Variants in SLC27A6 observed in about 807,000 individuals in gnomAD.
The protein encoded by SLC27A6 is solute carrier family 27 member 6, also known as long-chain fatty acid transport protein 6.
Under a neutral mutation model 63.9 loss-of-function variants are expected in SLC27A6, and 74 were observed. The ratio of observed to expected loss-of-function variants is 1.16; its 90% CI spans 0.96 to 1.40. SLC27A6 has a LOEUF of 1.40. Among genes scored for constraint, SLC27A6 ranks in the 40% most tolerant of loss-of-function variants. The pLI, the probability that SLC27A6 is intolerant of heterozygous loss-of-function variation, is 0.00. For synonymous variants in SLC27A6, 287 were observed against 260.8 expected (o/e 1.10, Z -0.97); for missense variants, 794 against 732.9 (o/e 1.08, Z -0.96).
intron 4 of SLC27A6, among the ~76,000 whole-genome samples, chr5:128,998,325 G>T (rs1408995833): frequency 6.7e-6 from 1 of 150,358 alleles, no homozygotes; most frequent in Non-Finnish European, 1.5e-5. Flanking sequence ...TTACATGAAT[G>T]TATTTATAAA....
At chr5:128,978,152 A>C (rs1750455856) in intron 1 of SLC27A6, among the ~76,000 whole-genome samples, 1 of 152,184 alleles carries the variant, frequency 6.6e-6, no homozygotes, top group Admixed American at 6.5e-5. Flanking sequence ...TAGTATTATA[A>C]AAATTTTAAC....
intron 4 of SLC27A6, among the ~76,000 whole-genome samples, chr5:129,006,792 T>C (rs1157996995): frequency 6.6e-6 from 1 of 152,172 alleles, no homozygotes; most frequent in Non-Finnish European, 1.5e-5. Context: ...TAAAACAAGA[T>C]TTTAGAGAAT....
intron 4 of SLC27A6, among the ~76,000 whole-genome samples, chr5:129,012,883 G>T (rs1377744351): frequency 6.6e-6 from 1 of 151,648 alleles, no homozygotes; most frequent in Non-Finnish European, 1.5e-5. Context: ...ATATTTTTAT[G>T]CATTCTAAAA....
intron 4 of SLC27A6, among the ~76,000 whole-genome samples, chr5:129,006,336 C>T (rs954162090): frequency 2.0e-5 from 3 of 151,520 alleles, no homozygotes; most frequent in Admixed American, 1.3e-4. Context: ...GTGATCTGCC[C>T]GCCTCGGTCT....
intron 1 of SLC27A6, among the ~76,000 whole-genome samples, chr5:128,974,916 A>G (rs1561610606): frequency 6.6e-6 from 1 of 152,258 alleles, no homozygotes; most frequent in African/African-American, 2.4e-5. Context: ...TTGTATTTAA[A>G]TGATTGCTAT....
chr5:129,023,566 A>C (rs2150153714), intron 5 of SLC27A6, 54 bp from the exon 6 acceptor site: 1 of 1,287,302 alleles, frequency 7.8e-7, no homozygotes, highest in South Asian at 1.2e-5. Flanking sequence ...CAAGTAACTA[A>C]ATGCACAAGT....
At chr5:128,995,785 G>A (rs183953481) in intron 4 of SLC27A6, among the ~76,000 whole-genome samples, 1 of 152,240 alleles carries the variant, frequency 6.6e-6, no homozygotes, top group East Asian at 1.9e-4. Context: ...TAATCTTGGA[G>A]GAGAAACTTG....
At chr5:128,996,300 T>A (rs1474209363) in intron 4 of SLC27A6, among the ~76,000 whole-genome samples, 1 of 149,508 alleles carries the variant, frequency 6.7e-6, no homozygotes, top group African/African-American at 2.5e-5. Flanking sequence ...TAGGAATGCA[T>A]TTTCTAAAAA....
rs1752311474 is a variant in SLC27A6, at chr5:129,028,326, T to G, written c.1455-19T>G. ...TCAAATACAGGTGCACTAACTGGAATTTGATTTTTTTCATTTAGATGGAAA... is the reference window on the plus strand; with the variant it reads ...TCAAATACAGGTGCACTAACTGGAAGTTGATTTTTTTCATTTAGATGGAAA... On this transcript the variant is annotated intron_variant, in intron 7 of 9. Transcript: ENST00000262462. 4 of 1,551,624 alleles carry G rather than the reference T, an allele frequency of 2.6e-6. No individual in the cohort carries two copies. Among genetic ancestry groups the G allele is most frequent in the Non-Finnish European group, 3.6e-6 (4 of 1,124,780 alleles).
At chr5:128,983,342 G>C (rs959368342) in intron 1 of SLC27A6, among the ~76,000 whole-genome samples, 3 of 140,248 alleles carry the variant, frequency 2.1e-5, no homozygotes, top group African/African-American at 7.9e-5. Flanking sequence ...GCCCAGGCTG[G>C]AGTACAATGG....
At chr5:129,025,689 G>A (rs961406780) in intron 6 of SLC27A6, among the ~76,000 whole-genome samples, 1 of 152,036 alleles carries the variant, frequency 6.6e-6, no homozygotes, top group Non-Finnish European at 1.5e-5. Flanking sequence ...TGATATGATG[G>A]TGTTGGTGAT....
At chr5:128,987,181 C>T (rs1750819251) in intron 2 of SLC27A6, among the ~76,000 whole-genome samples, 1 of 151,846 alleles carries the variant, frequency 6.6e-6, no homozygotes. Context: ...TGTATATGTT[C>T]TCTTTAATAT....
chr5:128,984,695 G>A (rs916040143), intron 1 of SLC27A6, among the ~76,000 whole-genome samples: 4 of 152,148 alleles, frequency 2.6e-5, no homozygotes, highest in East Asian at 3.8e-4. Flanking sequence ...CAGAGCAGTC[G>A]GGGATTCTCC....
chr5:129,028,290 T>G (rs1752309357), intron 7 of SLC27A6, 55 bp from the exon 8 acceptor site: 2 of 1,138,150 alleles, frequency 1.8e-6, no homozygotes, highest in Non-Finnish European at 2.7e-6. Context: ...TAAAACTGGG[T>G]ACCTAGTTTT....
chr5:129,012,510 T>C (rs1244136208), intron 4 of SLC27A6, among the ~76,000 whole-genome samples: 1 of 152,110 alleles, frequency 6.6e-6, no homozygotes, highest in Non-Finnish European at 1.5e-5. Context: ...TAAACTTCCA[T>C]GTTCTTATGA....
At chr5:128,973,321 G>A (rs1004471370) in intron 1 of SLC27A6, among the ~76,000 whole-genome samples, 26 of 152,186 alleles carry the variant, frequency 1.7e-4, no homozygotes, top group Non-Finnish European at 1.5e-4. Context: ...AGATGGGGAC[G>A]TTTAAGTCTG....
intron 4 of SLC27A6, among the ~76,000 whole-genome samples, chr5:128,996,354 T>C (rs1468792952): frequency 6.6e-6 from 1 of 152,196 alleles, no homozygotes; most frequent in Admixed American, 6.5e-5. Context: ...AGCTAAGAAA[T>C]TCCCTGGGAG....
At chr5:128,972,270 G>A (rs575277316) in intron 1 of SLC27A6, among the ~76,000 whole-genome samples, 7 of 152,130 alleles carry the variant, frequency 4.6e-5, no homozygotes, top group Non-Finnish European at 8.8e-5. Context: ...GAGTATCTTT[G>A]TGGCGTTGTC....
At chr5:128,983,602 A>G (rs258003) in intron 1 of SLC27A6, among the ~76,000 whole-genome samples, 11,749 of 152,024 alleles carry the variant, frequency 0.077, 1,262 homozygotes, top group East Asian at 0.56. Context: ...GCCAATCTGT[A>G]TCTATTTTAC....
Sources: gnomAD v4.1 joint callset for allele counts (sites outside exome capture counted in the v4.1 genomes callset) on GRCh38, gnomAD v4.1.1 for gene constraint, MANE v1.5 for transcripts, NCBI Gene and HGNC (gene_info 2026-07-23, HGNC 2026-07-21) for gene names.